Variants in ASAP1 observed in about 807,000 individuals in gnomAD.
ASAP1 encodes the protein arf-GAP with SH3 domain, ANK repeat and PH domain-containing protein 1.
In ASAP1, 43 loss-of-function variants were observed where a neutral mutation model predicts 145.2. The observed-to-expected ratio is 0.30, with a 90% CI of 0.23 to 0.38. ASAP1 has a LOEUF of 0.38. ASAP1 is among the 10% of genes least tolerant of loss of function. The pLI is 1.00. For synonymous variants in ASAP1, 546 were observed against 515.5 expected, an observed-to-expected ratio of 1.06 and a Z score of -0.80; for missense variants, 1,018 against 1,355.3, an observed-to-expected ratio of 0.75 and a Z score of 3.91.
chr8:130,236,283 A>G (rs1818209316), intron 4 of ASAP1, among the ~76,000 whole-genome samples: 1 of 151,946 alleles, frequency 6.6e-6, no homozygotes, highest in African/African-American at 2.4e-5. Flanking sequence ...CTTCTCTTCT[A>G]CAGTGCTGGA....
chr8:130,143,550 T>C (rs2097618439), intron 13 of ASAP1, among the ~76,000 whole-genome samples: 1 of 152,188 alleles, frequency 6.6e-6, no homozygotes, highest in East Asian at 1.9e-4. Flanking sequence ...GGCAAACCTA[T>C]TCAAGTTTTT....
At chr8:130,400,238 A>G (rs1189732162) in intron 2 of ASAP1, among the ~76,000 whole-genome samples, 1 of 152,160 alleles carries the variant, frequency 6.6e-6, no homozygotes, top group African/African-American at 2.4e-5. Flanking sequence ...CCCTGGCCCC[A>G]ACAGGTCAAC....
intron 3 of ASAP1, among the ~76,000 whole-genome samples, chr8:130,265,115 T>C (rs1013961087): frequency 3.3e-5 from 5 of 152,166 alleles, no homozygotes; most frequent in African/African-American, 7.2e-5. Context: ...CAGCTTTAAA[T>C]AGGAACTGTG....
intron 4 of ASAP1, among the ~76,000 whole-genome samples, chr8:130,227,677 T>C (rs1166413916): frequency 6.7e-6 from 1 of 150,058 alleles, no homozygotes. Context: ...ATACTATATA[T>C]AACACAGTAT....
In ASAP1 at chr8:130,099,304, G is replaced by A. The variant is rs369685199; in HGVS notation, c.2402-7161C>T. ...CGCCATTCTCCTGCCTCAGCCTCCCGAGTAGCTGGGACTACAGGTGCCTGC... is the reference window on the plus strand; with the variant it reads ...CGCCATTCTCCTGCCTCAGCCTCCCAAGTAGCTGGGACTACAGGTGCCTGC... On this transcript the variant is annotated intron_variant, in intron 24 of 29. Coordinates refer to ENST00000518721, the MANE Select transcript of ASAP1 (RefSeq NM_018482.4). Among the ~76,000 whole-genome samples, 58 of 151,592 alleles carry A rather than the reference G, an allele frequency of 3.8e-4. 1 individual carries two copies. The highest frequency in any genetic ancestry group is 3.4e-3 in the Middle Eastern group (1 of 292).
intron 1 of ASAP1, among the ~76,000 whole-genome samples, chr8:130,432,421 C>T (rs72726224): frequency 0.3 from 45,179 of 151,972 alleles, 6,936 homozygotes; most frequent in Middle Eastern, 0.36. Context: ...GAAGAGAATT[C>T]AAACAGGGTG....
chr8:130,107,514 AAATGT>A (rs1270343182), intron 24 of ASAP1, among the ~76,000 whole-genome samples: 58 of 105,336 alleles, frequency 5.5e-4, no homozygotes, highest in African/African-American at 1.9e-3. Context: ...TTTTTTTAAA[AAATGT>A]ATGTATGTAT....
intron 3 of ASAP1, among the ~76,000 whole-genome samples, chr8:130,343,563 C>A (rs1267398920): frequency 6.6e-6 from 1 of 152,190 alleles, no homozygotes; most frequent in African/African-American, 2.4e-5. Flanking sequence ...AGGCAAAGAC[C>A]ACCATTCTGG....
At chr8:130,390,073 G>A (rs1024069718) in intron 2 of ASAP1, among the ~76,000 whole-genome samples, 9 of 152,124 alleles carry the variant, frequency 5.9e-5, no homozygotes, top group Non-Finnish European at 1.0e-4. Context: ...AACACTAAAG[G>A]GAGGGCCTGA....
intron 13 of ASAP1, among the ~76,000 whole-genome samples, chr8:130,139,597 C>T (rs10104573): frequency 0.1 from 15,904 of 151,856 alleles, 1,072 homozygotes; most frequent in Non-Finnish European, 0.15. Context: ...AGCATGACGG[C>T]GCATGCCTGT....
At position 130,186,886 on chromosome 8, in the gene ASAP1, A is replaced by G. The variant is rs982635902; in HGVS notation, c.530+350T>C. On this transcript the variant is annotated intron_variant, in intron 7 of 29. Transcript: ENST00000518721. The stretch of plus-strand genomic sequence containing the variant: ...TAGCTGTTACTTCTATTATTTCCCA[A>G]TTTTTATACTATACAGAAACATAAA... 3.3e-5 allele frequency among the ~76,000 whole-genome samples: 5 copies of G among 152,176 alleles called. No individual in the cohort carries two copies. In the East Asian group the frequency reaches 9.6e-4, roughly 29 times the overall value.
chr8:130,163,764 G>A (rs1586485887), intron 11 of ASAP1, among the ~76,000 whole-genome samples: 1 of 152,060 alleles, frequency 6.6e-6, no homozygotes, highest in Non-Finnish European at 1.5e-5. Flanking sequence ...TAGTGTTAAC[G>A]GAAATTATGT....
At chr8:130,383,907 C>A (rs1827894549) in intron 2 of ASAP1, among the ~76,000 whole-genome samples, 1 of 152,184 alleles carries the variant, frequency 6.6e-6, no homozygotes, top group Non-Finnish European at 1.5e-5. Context: ...TGTCTCCCTC[C>A]CCAGCAGTCT....
rs1451326552 is a variant in ASAP1, at chr8:130,167,606, T to G, written c.839A>C (p.Asp280Ala). Residue 280 changes from aspartate (D) to alanine (A), a missense_variant, in exon 11 of 30, where the codon GAT becomes GCT. By Grantham distance (126) the Asp-to-Ala change is moderately radical. This residue lies in a region of ASAP1 where 62 missense variants were observed against 68.5 expected (regional missense o/e 0.90). Transcript: ENST00000518721. ...TGCAGTTAGCTGTTTCTTTTCTTCATCCTGGGTCTGTTTTATCTATGAAAA... is the reference window on the plus strand; with the variant it reads ...TGCAGTTAGCTGTTTCTTTTCTTCAGCCTGGGTCTGTTTTATCTATGAAAA... ...ADLYNIKQTQ[D>A]EEKKQLTALR... is the part of the protein sequence containing the mutation. The G allele has an allele frequency of 1.2e-6, 2 of 1,612,296 alleles. No individual in the cohort carries two copies. The highest frequency in any genetic ancestry group is 1.7e-6 in the Non-Finnish European group (2 of 1,178,766).
In ASAP1 at chr8:130,366,317, A is replaced by G. The variant is rs537127933; in HGVS notation, c.60-8174T>C. The stretch of plus-strand genomic sequence containing the variant: ...GACACTCCTAATTTGGGGCAAGAGG[A>G]CTGTGCCCCACAGTACTCACCTAGT... On this transcript the variant is annotated intron_variant, in intron 2 of 29. Coordinates refer to ENST00000518721, the MANE Select transcript of ASAP1 (RefSeq NM_018482.4). Among the ~76,000 whole-genome samples the G allele has an allele frequency of 5.3e-5, 8 of 152,310 alleles. No individual in the cohort carries two copies. In the East Asian group the frequency reaches 1.4e-3, roughly 26 times the overall value.
chr8:130,412,664 T>G (rs1586999029), intron 1 of ASAP1, among the ~76,000 whole-genome samples: 1 of 152,218 alleles, frequency 6.6e-6, no homozygotes, highest in East Asian at 1.9e-4. Context: ...CTTCTTTTTT[T>G]TTTTTGAAAT....
intron 1 of ASAP1, among the ~76,000 whole-genome samples, chr8:130,421,943 T>TATAAGA (rs1829735646): frequency 6.6e-6 from 1 of 152,092 alleles, no homozygotes; most frequent in Admixed American, 6.6e-5. Flanking sequence ...ATAAACATAA[T>TATAAGA]ATAAGAATAT....
chr8:130,148,109 G>C (rs777637384), intron 13 of ASAP1, among the ~76,000 whole-genome samples: 7 of 152,066 alleles, frequency 4.6e-5, no homozygotes, highest in South Asian at 2.1e-4. Context: ...TCTACCCTAA[G>C]ACCCCTGACT....
At chr8:130,202,758 G>A (rs143613106) in intron 5 of ASAP1, among the ~76,000 whole-genome samples, 1 of 152,272 alleles carries the variant, frequency 6.6e-6, no homozygotes, top group African/African-American at 2.4e-5. Flanking sequence ...CCTAGCTTGG[G>A]AGGTGGTGGA....
Sources: gnomAD v4.1 joint callset for allele counts (sites outside exome capture counted in the v4.1 genomes callset) on GRCh38, gnomAD v4.1.1 for gene constraint, gnomAD v4.1.1 regional missense constraint, MANE v1.5 for transcripts, NCBI Gene and HGNC (gene_info 2026-07-23, HGNC 2026-07-21) for gene names.